Variants in HHIPL1 observed in about 807,000 individuals in gnomAD.
HHIPL1 encodes HHIP like 1.
In HHIPL1, 43 loss-of-function variants were observed where a neutral mutation model predicts 61.8. The observed-to-expected ratio is 0.70, with a 90% confidence interval of 0.55 to 0.90. The LOEUF (loss-of-function observed/expected upper bound fraction) is 0.90, where lower values mean the gene tolerates loss of function less well. HHIPL1 is among the 40% of genes least tolerant of loss of function. HHIPL1 has a pLI of 0.00. For synonymous variants in HHIPL1, 482 were observed against 515.8 expected (o/e 0.93, Z 0.89); for missense variants, 1,056 against 1,157.7 (o/e 0.91, Z 1.28).
intron 1 of HHIPL1, among the ~76,000 whole-genome samples, chr14:99,650,403 G>T (rs371081266): frequency 5.3e-5 from 8 of 152,234 alleles, no homozygotes; most frequent in African/African-American, 1.4e-4. Flanking sequence ...ACTCACAGGT[G>T]GGGGAGGGTG....
At chr14:99,655,206 C>T (rs1316890613) in intron 2 of HHIPL1, among the ~76,000 whole-genome samples, 1 of 152,204 alleles carries the variant, frequency 6.6e-6, no homozygotes, top group Non-Finnish European at 1.5e-5. Context: ...CTGTATTGCT[C>T]ACCAGATCAT....
Position 99,668,131 on chromosome 14 carries a change from C to T in HHIPL1, c.1649-91C>T. Reference sequence around the variant, plus strand: ...GGCTAGCTGGGGTTGGGGTCTATTTCCAAGCCTGCAGGGAGCCGGGTGGTG... The same window carrying T: ...GGCTAGCTGGGGTTGGGGTCTATTTTCAAGCCTGCAGGGAGCCGGGTGGTG... On this transcript the variant is annotated intron_variant, in intron 6 of 8. Coordinates refer to ENST00000330710, the MANE Select transcript of HHIPL1 (RefSeq NM_001127258.3). The surrounding 1 kb of genome is among the most constrained non-coding windows in gnomAD (Gnocchi z 4.7). 2.5e-6 allele frequency: 2 copies of T among 805,768 alleles called. No homozygotes were observed. Among genetic ancestry groups the T allele is most frequent in the Non-Finnish European group, 4.5e-6 (2 of 446,626 alleles). The allele number at this position is 805,768 out of a possible 1,614,324, so 49.9% of individuals were successfully genotyped here. A position where few individuals can be genotyped will look rare whatever the true frequency, so the allele number is the denominator to read the frequency against.
At chr14:99,609,415 A>G in the HHIPL1 span, among the ~76,000 whole-genome samples, 1 of 152,224 alleles carries the variant, frequency 6.6e-6, no homozygotes, top group Non-Finnish European at 1.5e-5. Context: ...TTCCAGAGGC[A>G]AACACTGAGG....
intron 2 of HHIPL1, 146 bp downstream of exon 2, chr14:99,653,016 GAGA>G: frequency 1.2e-6 from 1 of 801,390 alleles, no homozygotes; most frequent in Non-Finnish European, 1.9e-6. Context: ...TTGGGGCCTG[GAGA>G]AGGACAGTTT....
the HHIPL1 span, among the ~76,000 whole-genome samples, chr14:99,619,352 C>G: frequency 6.6e-6 from 1 of 151,400 alleles, no homozygotes; most frequent in Non-Finnish European, 1.5e-5. Context: ...ATCCCAGCTA[C>G]TTGGGAGGCT....
At chr14:99,659,824 C>T in intron 4 of HHIPL1, 68 bp downstream of exon 4, 4 of 802,588 alleles carry the variant, frequency 5.0e-6, no homozygotes, top group Non-Finnish European at 6.5e-6. Context: ...TGCTGTGCCG[C>T]AGGGCCTCCC....
chr14:99,636,445 T>C, the HHIPL1 span, among the ~76,000 whole-genome samples: 1 of 152,212 alleles, frequency 6.6e-6, no homozygotes, highest in East Asian at 1.9e-4. Flanking sequence ...CATTTCTGTC[T>C]TCTGTTTTTT....
intron 8 of HHIPL1, among the ~76,000 whole-genome samples, chr14:99,674,723 C>A (rs1233032705): frequency 6.6e-6 from 1 of 152,188 alleles, no homozygotes; most frequent in Non-Finnish European, 1.5e-5. Flanking sequence ...TCATTGCCTT[C>A]CAGAGTTATG....
chr14:99,626,034 C>T, the HHIPL1 span, among the ~76,000 whole-genome samples: 10 of 152,126 alleles, frequency 6.6e-5, no homozygotes, highest in African/African-American at 2.2e-4. Flanking sequence ...TGCATTGCTA[C>T]CCCGTCAGGT....
At position 99,658,284 on chromosome 14, in the gene HHIPL1, A is replaced by G. The variant is rs2140071450; in HGVS notation, c.1046+1141A>G. 2.0e-5 allele frequency among the ~76,000 whole-genome samples: 3 copies of G among 152,316 alleles called. 1 individual carries two copies. The Middle Eastern group carries it at 0.01, about 518-fold the overall frequency. On this transcript the variant is annotated intron_variant, in intron 3 of 8. Coordinates refer to ENST00000330710, the MANE Select transcript of HHIPL1 (RefSeq NM_001127258.3). The stretch of plus-strand genomic sequence containing the variant: ...TATTTTGCTGCTACAAGTTGTGCCC[A>G]CTTAGATATCGAATCCTGGCATGTG...
At chr14:99,605,238 C>CG in the HHIPL1 span, among the ~76,000 whole-genome samples, 1 of 152,332 alleles carries the variant, frequency 6.6e-6, no homozygotes, top group Non-Finnish European at 1.5e-5. Context: ...CGCCGGGGTC[C>CG]GGGGGCGCCG....
chr14:99,650,924 AGTAT>A (rs1179716614), intron 1 of HHIPL1, among the ~76,000 whole-genome samples: 2 of 152,202 alleles, frequency 1.3e-5, no homozygotes, highest in Non-Finnish European at 2.9e-5. Context: ...AATGGCAGGG[AGTAT>A]GTATTAGTCT....
chr14:99,657,878 C>G (rs1348531238), intron 3 of HHIPL1, among the ~76,000 whole-genome samples: 1 of 151,618 alleles, frequency 6.6e-6, no homozygotes, highest in African/African-American at 2.4e-5. Flanking sequence ...TATACACACA[C>G]ATCCACACAC....
the HHIPL1 span, among the ~76,000 whole-genome samples, chr14:99,623,570 C>T: frequency 2.6e-5 from 4 of 152,160 alleles, no homozygotes; most frequent in African/African-American, 4.8e-5. Context: ...TGCACCACCA[C>T]GCCTGGCTGA....
At chr14:99,620,129 T>C in the HHIPL1 span, among the ~76,000 whole-genome samples, 1 of 152,162 alleles carries the variant, frequency 6.6e-6, no homozygotes, top group Non-Finnish European at 1.5e-5. Context: ...GGTGACTCAA[T>C]GCCATCTTTC....
At chr14:99,621,286 G>T in the HHIPL1 span, among the ~76,000 whole-genome samples, 1 of 152,022 alleles carries the variant, frequency 6.6e-6, no homozygotes, top group Non-Finnish European at 1.5e-5. Flanking sequence ...TTTTTGTAGA[G>T]ATGGGGTCTC....
intron 7 of HHIPL1, among the ~76,000 whole-genome samples, chr14:99,670,454 G>T (rs1209042660): frequency 6.6e-6 from 1 of 152,180 alleles, no homozygotes; most frequent in Non-Finnish European, 1.5e-5. Context: ...GTTCCCCAAT[G>T]CCCTTTTCCT....
the HHIPL1 span, among the ~76,000 whole-genome samples, chr14:99,608,210 C>T: frequency 1.3e-5 from 2 of 151,770 alleles, no homozygotes; most frequent in African/African-American, 4.8e-5. Flanking sequence ...AGAGGTTGAG[C>T]GATGGAGCTG....
chr14:99,663,891 G>A (rs78136643), intron 6 of HHIPL1, among the ~76,000 whole-genome samples: 102 of 152,346 alleles, frequency 6.7e-4, no homozygotes, highest in African/African-American at 2.5e-3. Flanking sequence ...ATGCAGGCAG[G>A]TGTGGAAGAG....
Sources: gnomAD v4.1 joint callset for allele counts (sites outside exome capture counted in the v4.1 genomes callset) on GRCh38, gnomAD v4.1.1 for gene constraint, Gnocchi (gnomAD v3.1) non-coding constraint, MANE v1.5 for transcripts, NCBI Gene and HGNC (gene_info 2026-07-23, HGNC 2026-07-21) for gene names.